ESRRG: variants seen among roughly 807,000 people sequenced by gnomAD.
ESRRG encodes estrogen related receptor gamma, also known as estrogen-related receptor gamma.
ESRRG carries 13 observed loss-of-function variants against 44.0 expected under a neutral mutation model. The observed-to-expected ratio is 0.30, with a 90% confidence interval of 0.19 to 0.47. ESRRG has a LOEUF of 0.47. Ranked by LOEUF, ESRRG falls within the 20% of genes least tolerant of loss-of-function variation. ESRRG has a pLI of 1.00. For synonymous variants in ESRRG, 215 were observed against 214.6 expected (o/e 1.00, Z -0.02); for missense variants, 395 against 580.6 (o/e 0.68, Z 3.29).
intron 3 of ESRRG, among the ~76,000 whole-genome samples, chr1:216,622,983 T>C (rs998022427): frequency 6.6e-6 from 1 of 152,054 alleles, no homozygotes; most frequent in East Asian, 1.9e-4. Flanking sequence ...AAAATATTCA[T>C]CCTTTTTTCC....
chr1:216,986,710 G>C (rs1339212380), intron 1 of ESRRG, among the ~76,000 whole-genome samples: 1 of 152,050 alleles, frequency 6.6e-6, no homozygotes, highest in African/African-American at 2.4e-5. Context: ...CTGGGCAATA[G>C]AGAGAGACTC....
chr1:216,912,688 T>C (rs2060616986), intron 2 of ESRRG, among the ~76,000 whole-genome samples: 1 of 152,190 alleles, frequency 6.6e-6, no homozygotes, highest in Non-Finnish European at 1.5e-5. Context: ...TCATGAGGTA[T>C]GTCCATCTGA....
At chr1:216,700,636 A>G (rs796408864) in intron 1 of ESRRG, among the ~76,000 whole-genome samples, 6 of 152,338 alleles carry the variant, frequency 3.9e-5, no homozygotes, top group African/African-American at 1.4e-4. Context: ...GAAAGATGGT[A>G]TTCCTATGCA....
chr1:216,686,631 A>T (rs1039949337), intron 1 of ESRRG, among the ~76,000 whole-genome samples: 4 of 103,572 alleles, frequency 3.9e-5, no homozygotes, highest in South Asian at 3.3e-4. Context: ...AAAATCAACT[A>T]AAAAAAAAGA....
rs182689270 is a variant in ESRRG, at chr1:216,712,026, T to C, written c.56+11218A>G. Among the ~76,000 whole-genome samples the C allele has an allele frequency of 2.7e-3, 405 of 152,328 alleles. 1 individual carries two copies. The highest frequency in any genetic ancestry group is 4.8e-3 in the Non-Finnish European group (329 of 68,020). Reference sequence around the variant, plus strand: ...AGTCTGATGTTTCATCAAGGAATTTTATGATTTCAAATTTGACCTTCCTAT... The same window carrying C: ...AGTCTGATGTTTCATCAAGGAATTTCATGATTTCAAATTTGACCTTCCTAT... On this transcript the variant is annotated intron_variant, in intron 1 of 6. Transcript: ENST00000408911.
intron 1 of ESRRG, among the ~76,000 whole-genome samples, chr1:216,941,505 C>A (rs922708439): frequency 6.6e-6 from 1 of 152,122 alleles, no homozygotes; most frequent in Admixed American, 6.6e-5. Flanking sequence ...GTTTTGGGAA[C>A]CAGTTCTCCT....
At chr1:216,971,419 A>G (rs1167471198) in intron 1 of ESRRG, among the ~76,000 whole-genome samples, 1 of 152,216 alleles carries the variant, frequency 6.6e-6, no homozygotes, top group African/African-American at 2.4e-5. Flanking sequence ...AATGCGTGTC[A>G]TCCAAACTGA....
chr1:217,018,658 C>T (rs114012775), intron 1 of ESRRG, among the ~76,000 whole-genome samples: 3 of 152,120 alleles, frequency 2.0e-5, no homozygotes, highest in Admixed American at 6.6e-5. Flanking sequence ...CTTACCTCTG[C>T]ATTTTGCTCA....
At chr1:216,807,216 G>A (rs1440123970) in intron 2 of ESRRG, among the ~76,000 whole-genome samples, 1 of 152,050 alleles carries the variant, frequency 6.6e-6, no homozygotes, top group East Asian at 1.9e-4. Flanking sequence ...TTCCACCGTC[G>A]AATGGCATCC....
chr1:216,939,915 A>T (rs1042368144), intron 1 of ESRRG, among the ~76,000 whole-genome samples: 1 of 152,042 alleles, frequency 6.6e-6, no homozygotes, highest in East Asian at 1.9e-4. Context: ...TTATTTTAAG[A>T]TTTCTTCCTT....
At chr1:216,630,499 G>A (rs1282329228) in intron 3 of ESRRG, among the ~76,000 whole-genome samples, 7 of 151,638 alleles carry the variant, frequency 4.6e-5, no homozygotes, top group Admixed American at 1.3e-4. Flanking sequence ...AGGAAAAGGC[G>A]TCTACCTCTG....
intron 2 of ESRRG, among the ~76,000 whole-genome samples, chr1:216,848,081 T>C (rs1226475462): frequency 6.6e-6 from 1 of 152,102 alleles, no homozygotes; most frequent in African/African-American, 2.4e-5. Context: ...TGCCACCCAC[T>C]TAGTGACAAC....
chr1:216,981,471 G>A (rs1044950809), intron 1 of ESRRG, among the ~76,000 whole-genome samples: 3 of 152,106 alleles, frequency 2.0e-5, no homozygotes, highest in African/African-American at 7.2e-5. Context: ...CTGTCATGAG[G>A]AGCCGATGAA....
At chr1:216,561,801 C>T (rs968748232) in intron 5 of ESRRG, among the ~76,000 whole-genome samples, 2 of 152,116 alleles carry the variant, frequency 1.3e-5, no homozygotes, top group Non-Finnish European at 2.9e-5. Flanking sequence ...TCAGGTATCA[C>T]GAAAATCAGA....
intron 3 of ESRRG, among the ~76,000 whole-genome samples, chr1:216,626,772 T>C (rs892042409): frequency 5.3e-5 from 8 of 152,360 alleles, no homozygotes; most frequent in African/African-American, 1.4e-4. Context: ...TCCTCGCTGG[T>C]ATCTTTGTAA....
chr1:216,600,260 T>G (rs2059021239), intron 3 of ESRRG, among the ~76,000 whole-genome samples: 1 of 152,166 alleles, frequency 6.6e-6, no homozygotes, highest in Non-Finnish European at 1.5e-5. Flanking sequence ...ACTATAATGG[T>G]AGATACGTGT....
At chr1:216,826,982 C>T (rs1016948616) in intron 2 of ESRRG, among the ~76,000 whole-genome samples, 70 of 152,122 alleles carry the variant, frequency 4.6e-4, no homozygotes, top group African/African-American at 1.6e-3. Flanking sequence ...GGGGTGATCC[C>T]TGCTGTCCAT....
chr1:216,653,646 T>A (rs1184647023), intron 2 of ESRRG, among the ~76,000 whole-genome samples: 1 of 152,176 alleles, frequency 6.6e-6, no homozygotes, highest in Non-Finnish European at 1.5e-5. Context: ...TCCATCCCAA[T>A]CTTTCATGAA....
intron 2 of ESRRG, among the ~76,000 whole-genome samples, chr1:216,909,399 T>A (rs1383891861): frequency 6.6e-6 from 1 of 152,136 alleles, no homozygotes; most frequent in Non-Finnish European, 1.5e-5. Flanking sequence ...AGTAACCAGT[T>A]CCCATCAGGT....
Sources: gnomAD v4.1 joint callset for allele counts (sites outside exome capture counted in the v4.1 genomes callset) on GRCh38, gnomAD v4.1.1 for gene constraint, MANE v1.5 for transcripts, NCBI Gene and HGNC (gene_info 2026-07-23, HGNC 2026-07-21) for gene names.